GHR: variants seen among roughly 807,000 people sequenced by gnomAD.
GHR encodes the protein growth hormone receptor, also known as GH receptor.
GHR carries 35 observed loss-of-function variants against 67.1 expected under a neutral mutation model. That is an observed-to-expected ratio of 0.52 (90% confidence interval 0.40 to 0.69). GHR has a LOEUF of 0.69. Among genes scored for constraint, GHR ranks in the 30% least tolerant of loss-of-function variants. The pLI is 0.00. For missense variants in GHR, 792 were observed against 764.6 expected, an observed-to-expected ratio of 1.04 and a Z score of -0.42; for synonymous variants, 272 against 269.1, an observed-to-expected ratio of 1.01 and a Z score of -0.10.
Position 42,559,864 on chromosome 5 carries a change from C to T in GHR, c.-11-6000C>T, listed in dbSNP as rs144840110. ...CATGAACTCTGAAAGCAAGCTGTTT[C>T]AATGCATGCCTGGTGCTAATGAAAA... On this transcript the variant is annotated intron_variant, in intron 1 of 9. Coordinates refer to ENST00000230882, the MANE Select transcript of GHR (RefSeq NM_000163.5). 3.3e-5 allele frequency among the ~76,000 whole-genome samples: 5 copies of T among 152,290 alleles called. No individual in the cohort carries two copies. The East Asian group carries it at 9.6e-4, about 29-fold the overall frequency.
chr5:42,698,305 T>TCATA (rs2111729522), intron 5 of GHR, among the ~76,000 whole-genome samples: 1 of 152,300 alleles, frequency 6.6e-6, no homozygotes, highest in Admixed American at 6.5e-5. Flanking sequence ...GGACCTTGTC[T>TCATA]CATATCCTCT....
chr5:42,665,352 G>A (rs1755902018), intron 3 of GHR, among the ~76,000 whole-genome samples: 1 of 152,138 alleles, frequency 6.6e-6, no homozygotes, highest in African/African-American at 2.4e-5. Context: ...CAACCCGAAT[G>A]TCCAACAATG....
chr5:42,667,112 T>C (rs1756023176), intron 3 of GHR, among the ~76,000 whole-genome samples: 1 of 152,064 alleles, frequency 6.6e-6, no homozygotes, highest in Admixed American at 6.6e-5. Context: ...ACCCCACCAC[T>C]ATATATATTT....
chr5:42,608,699 A>T (rs530091129), intron 2 of GHR, among the ~76,000 whole-genome samples: 1 of 152,344 alleles, frequency 6.6e-6, no homozygotes, highest in Admixed American at 6.5e-5. Flanking sequence ...AACCAAAAAG[A>T]TAAATTTCAG....
intron 2 of GHR, among the ~76,000 whole-genome samples, chr5:42,608,997 G>A (rs1291031427): frequency 6.6e-6 from 1 of 152,104 alleles, no homozygotes; most frequent in Non-Finnish European, 1.5e-5. Flanking sequence ...GACAAAGTAA[G>A]TTTTCAGTCT....
At chr5:42,490,236 G>A (rs895320014) in intron 1 of GHR, among the ~76,000 whole-genome samples, 1 of 152,196 alleles carries the variant, frequency 6.6e-6, no homozygotes, top group African/African-American at 2.4e-5. Context: ...GTTTTATGCT[G>A]CCAGAGACCA....
intron 1 of GHR, among the ~76,000 whole-genome samples, chr5:42,479,852 A>AT (rs1373820343): frequency 2.6e-5 from 4 of 151,972 alleles, no homozygotes; most frequent in Non-Finnish European, 5.9e-5. Flanking sequence ...GGATTCATTA[A>AT]TTTTTTTGAA....
chr5:42,655,626 A>C (rs1025344913), intron 3 of GHR, among the ~76,000 whole-genome samples: 2 of 152,132 alleles, frequency 1.3e-5, no homozygotes, highest in Non-Finnish European at 2.9e-5. Flanking sequence ...TGTAAGTTAT[A>C]TATATGTACA....
Position 42,424,899 on chromosome 5 carries a change from C to A in GHR, c.-12+944C>A. 1 of 613,278 alleles carries A rather than the reference C, an allele frequency of 1.6e-6. No homozygotes were observed. Among genetic ancestry groups the A allele is most frequent in the Non-Finnish European group, 2.0e-6 (1 of 489,824 alleles). 38.0% of individuals were successfully genotyped at this position (613,278 alleles called of 1,614,324 possible). A position where few individuals can be genotyped will look rare whatever the true frequency, so the allele number is the denominator to read the frequency against. On this transcript the variant is annotated intron_variant, in intron 1 of 9. Coordinates refer to ENST00000230882, the MANE Select transcript of GHR (RefSeq NM_000163.5). The surrounding 1 kb of genome is among the most constrained non-coding windows in gnomAD (Gnocchi z 4.1). Reference sequence around the variant, plus strand: ...TGTGTCCTGAATGAGTGTACGTGTGCGCTGTGTGTGCGCGCGCGAGTGTGC... The same window carrying A: ...TGTGTCCTGAATGAGTGTACGTGTGAGCTGTGTGTGCGCGCGCGAGTGTGC...
intron 3 of GHR, among the ~76,000 whole-genome samples, chr5:42,682,519 A>G (rs1341950611): frequency 6.6e-6 from 1 of 152,170 alleles, no homozygotes; most frequent in East Asian, 1.9e-4. Flanking sequence ...CAGATTTAGA[A>G]AGCCTTAAGA....
At chr5:42,712,070 GTAT>G (rs1354356709) in intron 7 of GHR, among the ~76,000 whole-genome samples, 5 of 152,038 alleles carry the variant, frequency 3.3e-5, no homozygotes, top group African/African-American at 1.2e-4. Flanking sequence ...AAAGTATAGA[GTAT>G]TATTATTCTC....
intron 2 of GHR, among the ~76,000 whole-genome samples, chr5:42,607,413 GTGC>G (rs972170815): frequency 3.3e-5 from 5 of 152,160 alleles, no homozygotes; most frequent in African/African-American, 1.2e-4. Flanking sequence ...TGCCTGGGTG[GTGC>G]TATTGGTGTG....
intron 1 of GHR, among the ~76,000 whole-genome samples, chr5:42,450,322 A>G (rs1743992521): frequency 6.6e-6 from 1 of 152,132 alleles, no homozygotes; most frequent in Non-Finnish European, 1.5e-5. Context: ...TGGTCTGTCC[A>G]GAGTTCCTGT....
At chr5:42,570,237 G>T (rs1166884761) in intron 2 of GHR, among the ~76,000 whole-genome samples, 2 of 152,174 alleles carry the variant, frequency 1.3e-5, no homozygotes, top group African/African-American at 4.8e-5. Flanking sequence ...GGGGAAAAAA[G>T]CCACAGAGCT....
intron 1 of GHR, chr5:42,468,833 G>A (rs1744866096): frequency 1.2e-5 from 12 of 1,001,286 alleles, no homozygotes; most frequent in Non-Finnish European, 1.6e-5. Context: ...TTGGTGACCA[G>A]GCAGCTGAAG....
chr5:42,695,958 T>C (rs529915780), intron 5 of GHR, among the ~76,000 whole-genome samples: 1 of 152,154 alleles, frequency 6.6e-6, no homozygotes, highest in African/African-American at 2.4e-5. Flanking sequence ...TAGAAACAAA[T>C]AAAATCTAAT....
chr5:42,449,612 T>C (rs115943926), intron 1 of GHR, among the ~76,000 whole-genome samples: 2,710 of 152,268 alleles, frequency 0.018, 24 homozygotes, highest in Non-Finnish European at 0.026. Flanking sequence ...TCTTTTCTGA[T>C]TTGGATGCCT....
chr5:42,434,772 G>A (rs1204718098), intron 1 of GHR, among the ~76,000 whole-genome samples: 4 of 152,122 alleles, frequency 2.6e-5, no homozygotes, highest in Non-Finnish European at 4.4e-5. Flanking sequence ...CAGTTCTTTC[G>A]CCTGGGAACA....
At chr5:42,600,685 C>T (rs1467956273) in intron 2 of GHR, among the ~76,000 whole-genome samples, 3 of 152,178 alleles carry the variant, frequency 2.0e-5, no homozygotes. Flanking sequence ...CTGCCTTTAG[C>T]CCCTAGGGTA....
Sources: gnomAD v4.1 joint callset for allele counts (sites outside exome capture counted in the v4.1 genomes callset) on GRCh38, gnomAD v4.1.1 for gene constraint, Gnocchi (gnomAD v3.1) non-coding constraint, MANE v1.5 for transcripts, NCBI Gene and HGNC (gene_info 2026-07-23, HGNC 2026-07-21) for gene names.